The following IL18R1 variants were observed in gnomAD, a reference collection of about 807,000 sequenced individuals.
IL18R1 encodes the protein interleukin 18 receptor 1.
IL18R1 carries 40 observed loss-of-function variants against 48.5 expected under a neutral mutation model. The ratio of observed to expected loss-of-function variants is 0.82; its 90% CI spans 0.64 to 1.07. IL18R1 has a LOEUF of 1.07. IL18R1 is among the 50% of genes least tolerant of loss of function. The pLI is 0.00. For missense variants in IL18R1, 596 were observed against 633.7 expected (o/e 0.94, Z 0.64); for synonymous variants, 232 against 225.9 (o/e 1.03, Z -0.24).
At chr2:102,376,664 TAAGGA>T (rs1679604353) in intron 5 of IL18R1, among the ~76,000 whole-genome samples, 1 of 152,064 alleles carries the variant, frequency 6.6e-6, no homozygotes, top group African/African-American at 2.4e-5. Flanking sequence ...TGGGAGAGTG[TAAGGA>T]ACACTGATGT....
chr2:102,387,423 C>T (rs928790871), intron 8 of IL18R1, among the ~76,000 whole-genome samples: 3 of 152,210 alleles, frequency 2.0e-5, no homozygotes, highest in Non-Finnish European at 2.9e-5. Flanking sequence ...GTACCAGGCT[C>T]AGGGTCCTTG....
At chr2:102,378,785 A>G (rs1679742537) in intron 5 of IL18R1, among the ~76,000 whole-genome samples, 1 of 152,204 alleles carries the variant, frequency 6.6e-6, no homozygotes, top group South Asian at 2.1e-4. Flanking sequence ...AACTCCTTTG[A>G]TGCCACATAC....
At chr2:102,385,087 C>A (rs1680154170) in intron 7 of IL18R1, 89 bp downstream of exon 7, 1 of 655,516 alleles carries the variant, frequency 1.5e-6, no homozygotes, top group Admixed American at 3.6e-5. Flanking sequence ...CACTGGGTGG[C>A]TGATGTGTAT....
chr2:102,388,976 A>G (rs1347712866), intron 8 of IL18R1, among the ~76,000 whole-genome samples: 1 of 152,204 alleles, frequency 6.6e-6, no homozygotes, highest in African/African-American at 2.4e-5. Context: ...AAATATGGAT[A>G]AATGTATATG....
At chr2:102,389,644 A>G (rs6706002) in intron 8 of IL18R1, among the ~76,000 whole-genome samples, 81,231 of 151,998 alleles carry the variant, frequency 0.53, 23,562 homozygotes, top group African/African-American at 0.73. Flanking sequence ...GATGGAGCCC[A>G]GCTGCAAACC....
At chr2:102,383,082 A>G (rs1158129563) in intron 6 of IL18R1, among the ~76,000 whole-genome samples, 1 of 152,094 alleles carries the variant, frequency 6.6e-6, no homozygotes, top group Non-Finnish European at 1.5e-5. Context: ...TAATTTCCAA[A>G]TATTTGGTGA....
At chr2:102,376,273 A>G (rs1290359633) in intron 5 of IL18R1, among the ~76,000 whole-genome samples, 5 of 152,208 alleles carry the variant, frequency 3.3e-5, no homozygotes, top group Non-Finnish European at 4.4e-5. Context: ...GAAAATCTGT[A>G]TGAATAAACC....
At chr2:102,364,929 G>C (rs10193585) in intron 2 of IL18R1, among the ~76,000 whole-genome samples, 1 of 152,146 alleles carries the variant, frequency 6.6e-6, no homozygotes, top group Non-Finnish European at 1.5e-5. Context: ...AGCACAGCAT[G>C]AGGGTAATCA....
intron 8 of IL18R1, 55 bp downstream of exon 8, chr2:102,387,055 A>G (rs1407800875): frequency 6.4e-7 from 1 of 1,563,224 alleles, no homozygotes; most frequent in African/African-American, 1.4e-5. Flanking sequence ...CTACTGAGAG[A>G]CATTTCAAAG....
At position 102,390,116 on chromosome 2, in the gene IL18R1, T is replaced by C; in HGVS notation, c.1010T>C (p.Ile337Thr). 1 of 1,614,144 alleles carries C rather than the reference T, an allele frequency of 6.2e-7. No homozygotes were observed. Among genetic ancestry groups the C allele is most frequent in the Non-Finnish European group, 8.5e-7 (1 of 1,179,992 alleles). ...FTRGMIIAVLILVAVVCLVTV... is the reference protein window; with the variant it reads ...FTRGMIIAVLTLVAVVCLVTV... ...AGAGGAATGATCATAGCTGTTTTGA[T>C]CTTGGTGGCAGTAGTGTGCCTAGTG... is the stretch of plus-strand genomic sequence containing the variant. Residue 337 changes from isoleucine (I) to threonine (T), a missense_variant, in exon 9 of 11, where the codon ATC becomes ACC. Physicochemically the swap from Ile to Thr is moderately conservative, Grantham distance 89. Around this residue, in one of 3 missense-constraint regions of IL18R1, gnomAD observed 57 missense variants for 88.2 expected, o/e 0.65. Transcript: ENST00000233957.
At chr2:102,366,186 A>G (rs1336992898) in intron 2 of IL18R1, among the ~76,000 whole-genome samples, 2 of 152,106 alleles carry the variant, frequency 1.3e-5, no homozygotes, top group South Asian at 2.1e-4. Context: ...CCAAACTCTT[A>G]TGCTCTGTCA....
chr2:102,386,806 C>G, intron 7 of IL18R1, 55 bp from the exon 8 acceptor site: 1 of 1,575,142 alleles, frequency 6.3e-7, no homozygotes, highest in Non-Finnish European at 8.7e-7. Flanking sequence ...ATGTGAATTC[C>G]CCTCTCAAGG....
Position 102,386,730 on chromosome 2 carries a change from G to A in IL18R1, c.810-131G>A, listed in dbSNP as rs1680251507. 3 of 898,564 alleles carry A rather than the reference G, an allele frequency of 3.3e-6. No homozygotes were observed. The East Asian group carries it at 7.8e-5, about 23-fold the overall frequency. 55.7% of individuals were successfully genotyped at this position (898,564 alleles called of 1,614,324 possible). ...ACGTTTATTGTAGTCCATGCTTTAA[G>A]AGTACTGGCCAGAAAGGGAAGAAAT... On this transcript the variant is annotated intron_variant, in intron 7 of 10. Transcript: ENST00000233957.
chr2:102,372,583 C>T (rs552387475), intron 4 of IL18R1, among the ~76,000 whole-genome samples: 1 of 136,964 alleles, frequency 7.3e-6, no homozygotes, highest in African/African-American at 3.0e-5. Flanking sequence ...AAAAATCACT[C>T]ATAAATCCAT....
chr2:102,382,253 C>T (rs190803361), intron 6 of IL18R1, among the ~76,000 whole-genome samples: 26 of 152,050 alleles, frequency 1.7e-4, no homozygotes, highest in Admixed American at 3.9e-4. Context: ...GCCTGGGCAA[C>T]GGAGCAAGAC....
chr2:102,395,481 C>A (rs1385746744), intron 10 of IL18R1, among the ~76,000 whole-genome samples: 1 of 152,126 alleles, frequency 6.6e-6, no homozygotes, highest in Non-Finnish European at 1.5e-5. Flanking sequence ...CATTCCCCCC[C>A]ATATTACAAA....
At chr2:102,386,399 GT>G (rs559386335) in intron 7 of IL18R1, among the ~76,000 whole-genome samples, 3 of 152,196 alleles carry the variant, frequency 2.0e-5, no homozygotes, top group Non-Finnish European at 2.9e-5. Context: ...ACAGTGTTAT[GT>G]TTTTTAATGC....
In IL18R1 at chr2:102,395,476, C is replaced by T. The variant is rs547823709; in HGVS notation, c.1270+849C>T. Among the ~76,000 whole-genome samples, 3 of 152,014 alleles carry T rather than the reference C, an allele frequency of 2.0e-5. No individual in the cohort carries two copies. In the East Asian group the frequency reaches 5.8e-4, roughly 29 times the overall value. The stretch of plus-strand genomic sequence containing the variant: ...CAGTGAGAAAGAAATAGTTACATTC[C>T]CCCCCATATTACAAAGTAGAAAGGA... On this transcript the variant is annotated intron_variant, in intron 10 of 10. Transcript: ENST00000233957.
chr2:102,384,228 T>G lies in IL18R1; in HGVS notation c.689-650T>G, dbSNP rs373089825. 1.1e-4 allele frequency among the ~76,000 whole-genome samples: 17 copies of G among 152,324 alleles called. 1 individual carries two copies. The highest frequency in any genetic ancestry group is 3.8e-4 in the African/African-American group (16 of 41,576). ...TGTTTGATGCAGGCCTCTTCTCTAATGAGACTTGCTCTCCTGATTACCATG... is the reference window on the plus strand; with the variant it reads ...TGTTTGATGCAGGCCTCTTCTCTAAGGAGACTTGCTCTCCTGATTACCATG... On this transcript the variant is annotated intron_variant, in intron 6 of 10. Coordinates refer to ENST00000233957, the MANE Select transcript of IL18R1 (RefSeq NM_003855.5).
Sources: allele counts gnomAD v4.1 joint callset (sites outside exome capture counted in the v4.1 genomes callset), GRCh38; gene constraint gnomAD v4.1.1; regional missense constraint gnomAD v4.1.1; transcripts MANE v1.5; gene names NCBI Gene and HGNC (gene_info 2026-07-23, HGNC 2026-07-21).